BCAS3: variants seen among roughly 807,000 people sequenced by gnomAD.
BCAS3 encodes the protein BCAS4/BCAS3 fusion.
In BCAS3, 53 loss-of-function variants were observed where a neutral mutation model predicts 116.1. That is an observed-to-expected ratio of 0.46 (90% confidence interval 0.37 to 0.57). BCAS3 has a LOEUF of 0.57. BCAS3 is among the 20% of genes least tolerant of loss of function. BCAS3 has a pLI of 0.00. For synonymous variants in BCAS3, 391 were observed against 408.2 expected (o/e 0.96, Z 0.51); for missense variants, 917 against 1,165.4 (o/e 0.79, Z 3.10).
rs2057409725 is a variant in BCAS3 at position 61,344,920 on chromosome 17, C to CACAT, written c.2426-23404_2426-23403insTACA. 6.6e-6 allele frequency among the ~76,000 whole-genome samples: 1 copy of CACAT among 151,876 alleles called. No homozygotes were observed. ...TTATGATTCCTGGATCGGAAATACA[C>CACAT]ACACACACACACATACACACACACA... On this transcript the variant is annotated intron_variant, in intron 22 of 23. Transcript: ENST00000407086. This position sits in a 1 kb window ranked among gnomAD's most constrained non-coding sequence, Gnocchi z 4.1.
Position 60,910,680 on chromosome 17 carries a change from C to T in BCAS3, c.971C>T (p.Thr324Ile), listed in dbSNP as rs549406958. Residue 324 changes from threonine to isoleucine, a missense_variant, in exon 12 of 24, where the codon ACC (threonine) becomes ATC (isoleucine). By Grantham distance (89) the Thr-to-Ile change is moderately conservative. Around this residue, in one of 3 missense-constraint regions of BCAS3, gnomAD observed 807 missense variants for 1,026.0 expected, o/e 0.79. Coordinates refer to ENST00000407086, the MANE Select transcript of BCAS3 (RefSeq NM_017679.5). ...CCAGGCATCATCACAGTTATTGACA[C>T]CGAAACCGTTGGAGAGGGCCAGGTA... The part of the protein sequence containing the change: ...LVPGIITVID[T>I]ETVGEGQVLV... The T allele has an allele frequency of 1.2e-6, 2 of 1,608,090 alleles. No homozygotes were observed. The highest frequency in any genetic ancestry group is 8.5e-7 in the Non-Finnish European group (1 of 1,177,242).
At chr17:60,943,969 A>G (rs1293460954) in intron 13 of BCAS3, among the ~76,000 whole-genome samples, 2 of 152,094 alleles carry the variant, frequency 1.3e-5, no homozygotes, top group African/African-American at 4.8e-5. Context: ...AAAATCTGTT[A>G]CATTTAGCTA....
At chr17:61,152,498 C>T (rs2077596584) in intron 22 of BCAS3, among the ~76,000 whole-genome samples, 1 of 152,038 alleles carries the variant, frequency 6.6e-6, no homozygotes, top group Admixed American at 6.5e-5. Flanking sequence ...GATGGCTTCA[C>T]CTCTCAGTAG....
At chr17:61,357,560 C>A (rs1482858802) in intron 22 of BCAS3, among the ~76,000 whole-genome samples, 1 of 149,336 alleles carries the variant, frequency 6.7e-6, no homozygotes, top group Non-Finnish European at 1.5e-5. Flanking sequence ...TTCTCTGCCT[C>A]AGCCTCCTGA....
intron 22 of BCAS3, among the ~76,000 whole-genome samples, chr17:61,187,276 C>G (rs141304318): frequency 3.6e-4 from 55 of 152,268 alleles, no homozygotes; most frequent in African/African-American, 1.3e-3. Context: ...TTAGAGTTTC[C>G]TATCTTTGGA....
chr17:61,271,424 A>ATTTTTTTTTT lies in BCAS3; in HGVS notation c.2426-96899_2426-96890dup, dbSNP rs71148400. On this transcript the variant is annotated intron_variant, in intron 22 of 23. Coordinates refer to ENST00000407086, the MANE Select transcript of BCAS3 (RefSeq NM_017679.5). ...TACAGGTGTAAGCCACCATGCCCGG[A>ATTTTTTTTTT]TTTTTTTTTTTTTGTCTTAGGTGGA... is the stretch of plus-strand genomic sequence containing the variant. 1.4e-3 allele frequency among the ~76,000 whole-genome samples: 99 copies of ATTTTTTTTTT among 70,230 alleles called. 21 individuals are homozygous for ATTTTTTTTTT. The highest frequency in any genetic ancestry group is 3.0e-3 in the African/African-American group (53 of 17,744). 46.1% of individuals were successfully genotyped at this position (70,230 alleles called of 152,430 possible).
At chr17:60,879,305 A>G (rs2055898472) in intron 9 of BCAS3, among the ~76,000 whole-genome samples, 1 of 152,224 alleles carries the variant, frequency 6.6e-6, no homozygotes, top group South Asian at 2.1e-4. Context: ...GTTTTGTATA[A>G]TACCTTTTTA....
intron 7 of BCAS3, among the ~76,000 whole-genome samples, chr17:60,838,669 A>G (rs1050278995): frequency 5.3e-5 from 8 of 152,352 alleles, no homozygotes; most frequent in African/African-American, 1.9e-4. Context: ...CTGTGTTTCA[A>G]TAAAACATTA....
Position 61,214,008 on chromosome 17 carries a change from A to C in BCAS3, c.2425+129444A>C, listed in dbSNP as rs974413058. The stretch of plus-strand genomic sequence containing the variant: ...AAGAAAAATGGGGGCTTCACTGCAC[A>C]GTAGGCTGGAGATTCTACCTAACCT... On this transcript the variant is annotated intron_variant, in intron 22 of 23. Transcript: ENST00000407086. The surrounding 1 kb of genome is among the most constrained non-coding windows in gnomAD (Gnocchi z 4.4). Among the ~76,000 whole-genome samples, 4 of 152,166 alleles carry C rather than the reference A, an allele frequency of 2.6e-5. No individual in the cohort carries two copies. Among genetic ancestry groups the C allele is most frequent in the Non-Finnish European group, 5.9e-5 (4 of 68,026 alleles).
chr17:61,039,734 TTTAA>T (rs1406632261), intron 18 of BCAS3, among the ~76,000 whole-genome samples: 1 of 152,198 alleles, frequency 6.6e-6, no homozygotes, highest in Non-Finnish European at 1.5e-5. Flanking sequence ...AACATATTTT[TTTAA>T]TTGTCTTCTG....
chr17:61,071,465 A>G (rs537539421), intron 19 of BCAS3, among the ~76,000 whole-genome samples: 10 of 152,326 alleles, frequency 6.6e-5, no homozygotes, highest in African/African-American at 2.2e-4. Context: ...AAAATCACCT[A>G]GGGATCTTGT....
In BCAS3 at chr17:61,037,449, C is replaced by T. The variant is rs753927940; in HGVS notation, c.1763-440C>T. ...CTAGCATGTGCTTATACGAGGCAAC[C>T]TTTAGGCAAGGAACAAGCACCATAT... On this transcript the variant is annotated intron_variant, in intron 17 of 23. Coordinates refer to ENST00000407086, the MANE Select transcript of BCAS3 (RefSeq NM_017679.5). The surrounding 1 kb of genome is among the most constrained non-coding windows in gnomAD (Gnocchi z 4.7). Among the ~76,000 whole-genome samples, 1 of 152,136 alleles carries T rather than the reference C, an allele frequency of 6.6e-6. No homozygotes were observed. The highest frequency in any genetic ancestry group is 1.9e-4 in the East Asian group (1 of 5,192).
chr17:61,223,639 G>T (rs1045631995), intron 22 of BCAS3, among the ~76,000 whole-genome samples: 1 of 152,144 alleles, frequency 6.6e-6, no homozygotes, highest in Non-Finnish European at 1.5e-5. Flanking sequence ...CTAGCTAAAA[G>T]ATATCTTTAA....
chr17:61,275,744 C>T (rs920676585), intron 22 of BCAS3, among the ~76,000 whole-genome samples: 1 of 152,168 alleles, frequency 6.6e-6, no homozygotes, highest in Non-Finnish European at 1.5e-5. Context: ...TGTAGCCCGG[C>T]AGGCTGGCCA....
rs185527532 is a variant in BCAS3, at chr17:61,296,236, A to G, written c.2426-72091A>G. Among the ~76,000 whole-genome samples, 9 of 152,322 alleles carry G rather than the reference A, an allele frequency of 5.9e-5. No homozygotes were observed. The East Asian group carries it at 1.5e-3, about 26-fold the overall frequency. On this transcript the variant is annotated intron_variant, in intron 22 of 23. Transcript: ENST00000407086. ...TAAACAGGCTTTACCCAGAGGTCATATGCATTCTCCAAGTTCCTGGTGGTT... is the reference window on the plus strand; with the variant it reads ...TAAACAGGCTTTACCCAGAGGTCATGTGCATTCTCCAAGTTCCTGGTGGTT...
chr17:60,797,314 G>A (rs1436175771), intron 6 of BCAS3, among the ~76,000 whole-genome samples: 1 of 152,066 alleles, frequency 6.6e-6, no homozygotes, highest in African/African-American at 2.4e-5. Flanking sequence ...GAATAATGCT[G>A]CAGTGAACAT....
At chr17:61,033,842 C>A (rs1391523205) in intron 16 of BCAS3, among the ~76,000 whole-genome samples, 1 of 152,158 alleles carries the variant, frequency 6.6e-6, no homozygotes, top group Non-Finnish European at 1.5e-5. Flanking sequence ...ATATTAGAAG[C>A]TGAGCATGAA....
At chr17:60,756,147 G>A (rs932049100) in intron 6 of BCAS3, among the ~76,000 whole-genome samples, 2 of 152,116 alleles carry the variant, frequency 1.3e-5, no homozygotes, top group Admixed American at 6.6e-5. Context: ...GGATGAAACT[G>A]TTCCACCTCA....
chr17:60,755,819 C>T (rs2042939162), intron 6 of BCAS3, among the ~76,000 whole-genome samples: 1 of 152,034 alleles, frequency 6.6e-6, no homozygotes, highest in Non-Finnish European at 1.5e-5. Flanking sequence ...AAAATTGATA[C>T]AAATATTTTA....
Sources: allele counts gnomAD v4.1 joint callset (sites outside exome capture counted in the v4.1 genomes callset), GRCh38; gene constraint gnomAD v4.1.1; regional missense constraint gnomAD v4.1.1; non-coding constraint Gnocchi (gnomAD v3.1); transcripts MANE v1.5; gene names NCBI Gene and HGNC (gene_info 2026-07-23, HGNC 2026-07-21).